ZNF141: variants seen among roughly 807,000 people sequenced by gnomAD.
ZNF141 encodes zinc finger protein 141, also known as zinc finger protein 141 (clone pHZ-44).
Under a neutral mutation model 11.3 loss-of-function variants are expected in ZNF141, and 7 were observed. The observed-to-expected ratio is 0.62, with a 90% CI of 0.35 to 1.16. ZNF141 has a LOEUF of 1.16. ZNF141 is among the 50% of genes most tolerant of loss of function. ZNF141 has a pLI of 0.02. For synonymous variants in ZNF141, 183 were observed against 190.7 expected (o/e 0.96, Z 0.33); for missense variants, 535 against 554.0 (o/e 0.97, Z 0.34).
At chr4:356,748 C>T (rs528086129) in intron 3 of ZNF141, among the ~76,000 whole-genome samples, 3 of 152,296 alleles carry the variant, frequency 2.0e-5, no homozygotes, top group Admixed American at 6.5e-5. Flanking sequence ...TTGATAAGAA[C>T]TTATTACTGC....
At position 373,282 on chromosome 4, in the gene ZNF141, C is replaced by T. The variant is rs782162605; in HGVS notation, c.845C>T (p.Pro282Leu). Reference protein sequence around the residue: ...KHKRIHAGEKPITCEECRKIF... With the variant: ...KHKRIHAGEKLITCEECRKIF... ...AAGAGAATTCATGCTGGAGAGAAAC[C>T]CATCACATGTGAAGAATGTAGGAAA... The change falls in exon 4 of 4, where the codon CCC becomes CTC. Residue 282 changes from proline (P) to leucine (L), a missense_variant. Pro to Leu is a moderately conservative substitution (Grantham distance 98). Coordinates refer to ENST00000240499, the MANE Select transcript of ZNF141 (RefSeq NM_003441.4). The T allele has an allele frequency of 2.5e-6, 4 of 1,613,722 alleles. No individual in the cohort carries two copies. The highest frequency in any genetic ancestry group is 2.2e-5 in the South Asian group (2 of 91,076).
chr4:362,133 G>A (rs1439771401), intron 3 of ZNF141, among the ~76,000 whole-genome samples: 1 of 152,182 alleles, frequency 6.6e-6, no homozygotes, highest in Non-Finnish European at 1.5e-5. Context: ...GGCCAGTGAT[G>A]ATGAGCATTT....
Position 373,919 on chromosome 4 carries a change from A to G in ZNF141, c.*57A>G. ...AACCTTTGGATGATCCACAAACCTT[A>G]ATGAACATGAGAAAATTTATACTGT... On this transcript the variant is annotated 3_prime_UTR_variant, in exon 4 of 4. Coordinates refer to ENST00000240499, the MANE Select transcript of ZNF141 (RefSeq NM_003441.4). The G allele has an allele frequency of 6.9e-7, 1 of 1,440,860 alleles. No individual in the cohort carries two copies. The highest frequency in any genetic ancestry group is 9.5e-7 in the Non-Finnish European group (1 of 1,056,928). The allele number at this position is 1,440,860 out of a possible 1,614,324, so 89.3% of individuals were successfully genotyped here. A position where few individuals can be genotyped will look rare whatever the true frequency, so the allele number is the denominator to read the frequency against.
Position 373,198 on chromosome 4 carries a change from C to A in ZNF141, c.761C>A (p.Pro254His). 6.2e-7 allele frequency: 1 copy of A among 1,613,768 alleles called. No homozygotes were observed. The highest frequency in any genetic ancestry group is 1.7e-5 in the Admixed American group (1 of 59,996). ...KHKIIHTGEK[P>H]YKCEECGKAF... ...AAAATAATTCATACTGGAGAAAAACCCTATAAATGTGAAGAATGTGGCAAA... is the reference window on the plus strand; with the variant it reads ...AAAATAATTCATACTGGAGAAAAACACTATAAATGTGAAGAATGTGGCAAA... Residue 254 changes from proline to histidine, a missense_variant, in exon 4 of 4, where the codon CCC (proline) becomes CAC (histidine). Pro to His is a moderately conservative substitution (Grantham distance 77). Coordinates refer to ENST00000240499, the MANE Select transcript of ZNF141 (RefSeq NM_003441.4).
In ZNF141 at chr4:376,267, C is replaced by T. The variant is rs1186648218; in HGVS notation, c.*2405C>T. Reference sequence around the variant, plus strand: ...TTCCAGTGGCTTTAAATAGCAAATACATTGAAGAATATCATTCCCATATGT... The same window carrying T: ...TTCCAGTGGCTTTAAATAGCAAATATATTGAAGAATATCATTCCCATATGT... On this transcript the variant is annotated 3_prime_UTR_variant, in exon 4 of 4. Coordinates refer to ENST00000240499, the MANE Select transcript of ZNF141 (RefSeq NM_003441.4). Among the ~76,000 whole-genome samples, 1 of 151,978 alleles carries T rather than the reference C, an allele frequency of 6.6e-6. No homozygotes were observed. The highest frequency in any genetic ancestry group is 1.5e-5 in the Non-Finnish European group (1 of 67,892).
intron 3 of ZNF141, among the ~76,000 whole-genome samples, chr4:361,819 A>C (rs1475307067): frequency 6.6e-6 from 1 of 152,178 alleles, no homozygotes; most frequent in Non-Finnish European, 1.5e-5. Context: ...GCTATTGTGA[A>C]TAGTGCCGCA....
chr4:372,099 A>T (rs1712095347), intron 3 of ZNF141, among the ~76,000 whole-genome samples: 1 of 152,160 alleles, frequency 6.6e-6, no homozygotes, highest in Non-Finnish European at 1.5e-5. Flanking sequence ...TTTCTTCTTA[A>T]CAGTCTCTAA....
intron 3 of ZNF141, among the ~76,000 whole-genome samples, chr4:366,842 A>G (rs574901526): frequency 6.6e-6 from 1 of 151,844 alleles, no homozygotes; most frequent in East Asian, 2.0e-4. Flanking sequence ...TAATTTTTGT[A>G]TTTTTAGGAG....
rs1290072009 is a variant in ZNF141 at position 376,928 on chromosome 4, A to G, written c.*3066A>G. 6.6e-6 allele frequency among the ~76,000 whole-genome samples: 1 copy of G among 152,156 alleles called. No homozygotes were observed. The highest frequency in any genetic ancestry group is 1.5e-5 in the Non-Finnish European group (1 of 68,002). On this transcript the variant is annotated 3_prime_UTR_variant, in exon 4 of 4. Transcript: ENST00000240499. ...TTTGTCTGGTGCTCATGCTAGAGCTATAATTTCTTTGATTCTCTTTTTTGT... is the reference window on the plus strand; with the variant it reads ...TTTGTCTGGTGCTCATGCTAGAGCTGTAATTTCTTTGATTCTCTTTTTTGT...
At chr4:352,849 G>C (rs1158191523) in intron 3 of ZNF141, among the ~76,000 whole-genome samples, 1 of 152,122 alleles carries the variant, frequency 6.6e-6, no homozygotes, top group Non-Finnish European at 1.5e-5. Context: ...TATTAAATTT[G>C]AGGGAGGGAG....
At chr4:349,431 A>T (rs1274500983) in intron 3 of ZNF141, among the ~76,000 whole-genome samples, 1 of 151,978 alleles carries the variant, frequency 6.6e-6, no homozygotes, top group Admixed American at 6.6e-5. Flanking sequence ...TTTCTTTTCC[A>T]CTCTGGAGAG....
At chr4:350,997 C>T (rs1260398329) in intron 3 of ZNF141, among the ~76,000 whole-genome samples, 1 of 151,854 alleles carries the variant, frequency 6.6e-6, no homozygotes, top group Non-Finnish European at 1.5e-5. Flanking sequence ...GATCCGTCCA[C>T]CTCAGCCTCC....
chr4:374,476 A>C lies in ZNF141; in HGVS notation c.*614A>C. On this transcript the variant is annotated 3_prime_UTR_variant, in exon 4 of 4. Coordinates refer to ENST00000240499, the MANE Select transcript of ZNF141 (RefSeq NM_003441.4). ...CCCTACACATGTAAAGAATGTGGCA[A>C]AGCCTTCAATAGGTTCTCAACCCTT... The C allele has an allele frequency of 3.2e-6, 1 of 307,900 alleles. No homozygotes were observed. Among genetic ancestry groups the C allele is most frequent in the Non-Finnish European group, 6.7e-6 (1 of 149,346 alleles). The allele number at this position is 307,900 out of a possible 1,614,324, so 19.1% of individuals were successfully genotyped here.
At position 383,972 on chromosome 4, in the gene ZNF141, T is replaced by C. The variant is rs1417463552; in HGVS notation, c.*10110T>C. ...CTTTAATAAAATCTTGCTTTTGCTA[T>C]TCCCTTCCTGTTTTTCATTCCTTTG... On this transcript the variant is annotated 3_prime_UTR_variant, in exon 4 of 4. Transcript: ENST00000240499. 1.3e-5 allele frequency: 2 copies of C among 152,314 alleles called. No individual in the cohort carries two copies. The highest frequency in any genetic ancestry group is 4.8e-5 in the African/African-American group (2 of 41,458). 9.4% of individuals were successfully genotyped at this position (152,314 alleles called of 1,614,324 possible).
rs1553851428 is a variant in ZNF141, at chr4:357,843, C to T, written c.226+13413C>T. Among the ~76,000 whole-genome samples, 3 of 151,540 alleles carry T rather than the reference C, an allele frequency of 2.0e-5. No homozygotes were observed. In the East Asian group the frequency reaches 5.9e-4, roughly 30 times the overall value. On this transcript the variant is annotated intron_variant, in intron 3 of 3. Coordinates refer to ENST00000240499, the MANE Select transcript of ZNF141 (RefSeq NM_003441.4). ...ACCTTAGTCTCCTGAGTAGCTGGGA[C>T]TATAGGCGCGCGCCACCACGCCCGA...
chr4:342,922 T>G (rs1553848736), intron 1 of ZNF141: 1 of 1,573,042 alleles, frequency 6.4e-7, no homozygotes, highest in African/African-American at 1.3e-5. Flanking sequence ...TTCCTTAGTG[T>G]CAGGATCTAC....
chr4:342,236 C>T (rs1256668152), intron 1 of ZNF141, among the ~76,000 whole-genome samples: 6 of 152,178 alleles, frequency 3.9e-5, no homozygotes, highest in African/African-American at 1.4e-4. Flanking sequence ...CATCTGAGCA[C>T]ATATTACATG....
intron 3 of ZNF141, among the ~76,000 whole-genome samples, chr4:365,061 GCTGCTGCCTGGCAGGTCAATCTCAGA>G (rs1711673182): frequency 6.6e-6 from 1 of 152,198 alleles, no homozygotes; most frequent in Non-Finnish European, 1.5e-5. Flanking sequence ...CCCCTGCCAG[GCTGCTGCCTGGCAGGTCAATCTCAGA>G]CTGCTGTGCT....
At chr4:369,481 A>C (rs1272858840) in intron 3 of ZNF141, among the ~76,000 whole-genome samples, 1 of 151,792 alleles carries the variant, frequency 6.6e-6, no homozygotes, top group East Asian at 1.9e-4. Flanking sequence ...TAATTTTTGC[A>C]ATCAGTCCCT....
Sources: allele counts gnomAD v4.1 joint callset (sites outside exome capture counted in the v4.1 genomes callset), GRCh38; gene constraint gnomAD v4.1.1; transcripts MANE v1.5; gene names NCBI Gene and HGNC (gene_info 2026-07-23, HGNC 2026-07-21).